CDH13: variants seen among roughly 807,000 people sequenced by gnomAD.
CDH13 encodes cadherin-13.
A neutral mutation model predicts 63.8 loss-of-function variants in CDH13; 24 were observed. That is an observed-to-expected ratio of 0.38 (90% CI 0.27 to 0.53). The LOEUF is 0.53. CDH13 is among the 20% of genes least tolerant of loss of function. CDH13 has a pLI of 0.85. For synonymous variants in CDH13, 503 were observed against 355.3 expected (o/e 1.42, Z -4.67); for missense variants, 1,049 against 903.1 (o/e 1.16, Z -2.07).
intron 1 of CDH13, among the ~76,000 whole-genome samples, chr16:82,631,375 C>T (rs932306814): frequency 6.6e-6 from 1 of 152,220 alleles, no homozygotes; most frequent in Non-Finnish European, 1.5e-5. Context: ...CATAACCACC[C>T]AGAAGGGTGA....
chr16:83,570,518 C>G (rs1488729534), intron 7 of CDH13, among the ~76,000 whole-genome samples: 1 of 151,892 alleles, frequency 6.6e-6, no homozygotes, highest in Non-Finnish European at 1.5e-5. Context: ...TCACCGTACT[C>G]ATGGTCTAGC....
At chr16:82,633,542 C>T (rs781173381) in intron 1 of CDH13, among the ~76,000 whole-genome samples, 2 of 152,124 alleles carry the variant, frequency 1.3e-5, no homozygotes, top group African/African-American at 4.8e-5. Flanking sequence ...CCAGGCCTGG[C>T]TAACTTTTTT....
chr16:82,663,578 G>C (rs1912233323), intron 1 of CDH13, among the ~76,000 whole-genome samples: 1 of 152,160 alleles, frequency 6.6e-6, no homozygotes, highest in Non-Finnish European at 1.5e-5. Flanking sequence ...TCCTGTCTTT[G>C]TCAGATTTAT....
intron 1 of CDH13, among the ~76,000 whole-genome samples, chr16:82,806,900 C>T (rs530405830): frequency 6.6e-6 from 1 of 152,070 alleles, no homozygotes; most frequent in African/African-American, 2.4e-5. Context: ...GAATAATATG[C>T]TCTAGCATAT....
intron 7 of CDH13, among the ~76,000 whole-genome samples, chr16:83,501,958 A>C (rs2074293382): frequency 6.6e-6 from 1 of 152,178 alleles, no homozygotes. Flanking sequence ...TGGGCTTAGG[A>C]ATTCACAAAT....
intron 5 of CDH13, among the ~76,000 whole-genome samples, chr16:83,300,562 A>G (rs2089709964): frequency 6.6e-6 from 1 of 152,206 alleles, no homozygotes; most frequent in African/African-American, 2.4e-5. Context: ...TATACAAACA[A>G]ATCTTATGTG....
intron 1 of CDH13, among the ~76,000 whole-genome samples, chr16:82,856,893 T>C (rs1407509547): frequency 6.6e-6 from 1 of 152,104 alleles, no homozygotes; most frequent in African/African-American, 2.4e-5. Flanking sequence ...CTCCAAGTGA[T>C]CTCACCAGAG....
chr16:82,929,812 A>C (rs548329506), intron 2 of CDH13, among the ~76,000 whole-genome samples: 3 of 151,900 alleles, frequency 2.0e-5, no homozygotes, highest in African/African-American at 4.8e-5. Flanking sequence ...CACCCAGTCA[A>C]TCATATCCTG....
At chr16:83,052,799 A>AG (rs2030504729) in intron 3 of CDH13, among the ~76,000 whole-genome samples, 5 of 133,296 alleles carry the variant, frequency 3.8e-5, no homozygotes, top group Admixed American at 1.5e-4. Flanking sequence ...AAAAAAAAAA[A>AG]AAAAAGAAAG....
chr16:83,463,620 G>T (rs952434089), intron 6 of CDH13, among the ~76,000 whole-genome samples: 2 of 152,134 alleles, frequency 1.3e-5, no homozygotes, highest in Non-Finnish European at 2.9e-5. Context: ...GGGCAACATA[G>T]TGAGACCCCC....
At chr16:82,895,811 C>G (rs957209983) in intron 2 of CDH13, among the ~76,000 whole-genome samples, 1 of 152,026 alleles carries the variant, frequency 6.6e-6, no homozygotes, top group Non-Finnish European at 1.5e-5. Flanking sequence ...TTGAACACGT[C>G]CACAGAAATT....
chr16:83,379,284 C>G (rs558320368), intron 6 of CDH13, among the ~76,000 whole-genome samples: 1 of 152,104 alleles, frequency 6.6e-6, no homozygotes, highest in African/African-American at 2.4e-5. Flanking sequence ...ATATTAGATA[C>G]GAAGCTTGAG....
chr16:82,788,973 C>T (rs989484234), intron 1 of CDH13, among the ~76,000 whole-genome samples: 2 of 152,230 alleles, frequency 1.3e-5, no homozygotes, highest in Admixed American at 1.3e-4. Flanking sequence ...GAATCCCCTA[C>T]TAGGCCGTTA....
chr16:83,586,565 C>T lies in CDH13; in HGVS notation c.961-15889C>T, dbSNP rs117070339. Among the ~76,000 whole-genome samples, 274 of 152,304 alleles carry T rather than the reference C, an allele frequency of 1.8e-3. 4 individuals carry two copies. The East Asian group carries it at 0.05, about 28-fold the overall frequency. Reference sequence around the variant, plus strand: ...GTAACATCTGACTTGTTGTTCCTTGCTCTGCTAACGATCCAGGCTGTTAAG... The same window carrying T: ...GTAACATCTGACTTGTTGTTCCTTGTTCTGCTAACGATCCAGGCTGTTAAG... On this transcript the variant is annotated intron_variant, in intron 7 of 13. Coordinates refer to ENST00000567109, the MANE Select transcript of CDH13 (RefSeq NM_001257.5).
At chr16:83,584,114 G>A (rs1194021937) in intron 7 of CDH13, among the ~76,000 whole-genome samples, 1 of 152,090 alleles carries the variant, frequency 6.6e-6, no homozygotes, top group Non-Finnish European at 1.5e-5. Context: ...CGGATCACGA[G>A]GTCAGGAGAT....
At chr16:83,734,886 C>A (rs904329593) in intron 10 of CDH13, among the ~76,000 whole-genome samples, 1 of 151,568 alleles carries the variant, frequency 6.6e-6, no homozygotes, top group Non-Finnish European at 1.5e-5. Flanking sequence ...AGTTTCAGCT[C>A]CTTGATTTTA....
At chr16:82,747,660 C>T (rs17183279) in intron 1 of CDH13, among the ~76,000 whole-genome samples, 37,455 of 152,040 alleles carry the variant, frequency 0.25, 5,589 homozygotes, top group South Asian at 0.38. Flanking sequence ...TTAATGCTTA[C>T]GAGAGTTGAA....
intron 3 of CDH13, among the ~76,000 whole-genome samples, chr16:83,120,404 A>C (rs56796135): frequency 0.074 from 11,219 of 152,184 alleles, 515 homozygotes; most frequent in Non-Finnish European, 0.096. Context: ...ATGAAAACAC[A>C]AGAAAGCAAT....
At chr16:83,423,715 A>G (rs1567662621) in intron 6 of CDH13, among the ~76,000 whole-genome samples, 4 of 152,154 alleles carry the variant, frequency 2.6e-5, no homozygotes, top group Admixed American at 6.6e-5. Context: ...TGTATATTAA[A>G]CCCTAATAAA....
Sources: allele counts gnomAD v4.1 joint callset (sites outside exome capture counted in the v4.1 genomes callset), GRCh38; gene constraint gnomAD v4.1.1; transcripts MANE v1.5; gene names NCBI Gene and HGNC (gene_info 2026-07-23, HGNC 2026-07-21).